The following KALRN variants were observed in gnomAD, a reference collection of about 807,000 sequenced individuals.
KALRN encodes the protein kalirin.
A neutral mutation model predicts 353.7 loss-of-function variants in KALRN; 70 were observed. The observed-to-expected ratio is 0.20, with a 90% CI of 0.16 to 0.24. KALRN has a LOEUF of 0.24. Ranked by LOEUF, KALRN falls within the 10% of genes least tolerant of loss-of-function variation. KALRN has a pLI of 1.00. For missense variants in KALRN, 2,791 were observed against 3,756.7 expected, an observed-to-expected ratio of 0.74 and a Z score of 6.72; for synonymous variants, 1,391 against 1,434.8, an observed-to-expected ratio of 0.97 and a Z score of 0.69.
intron 51 of KALRN, among the ~76,000 whole-genome samples, chr3:124,682,436 G>A (rs1345373887): frequency 6.6e-6 from 1 of 152,210 alleles, no homozygotes; most frequent in Non-Finnish European, 1.5e-5. Context: ...CATGCACCCT[G>A]TGTGTTCACT....
chr3:124,683,330 C>T (rs956599431), intron 51 of KALRN, among the ~76,000 whole-genome samples: 8 of 152,214 alleles, frequency 5.3e-5, no homozygotes, highest in Non-Finnish European at 8.8e-5. Context: ...TCAGGGTCAG[C>T]ATCTGGCCTA....
intron 1 of KALRN, among the ~76,000 whole-genome samples, chr3:124,047,677 T>C (rs1398608235): frequency 6.6e-6 from 1 of 150,810 alleles, no homozygotes; most frequent in East Asian, 1.9e-4. Flanking sequence ...TTATTTTTTT[T>C]TATTTTTAGT....
At chr3:124,670,073 C>T (rs558004693) in intron 47 of KALRN, among the ~76,000 whole-genome samples, 23 of 151,654 alleles carry the variant, frequency 1.5e-4, no homozygotes, top group African/African-American at 5.1e-4. Flanking sequence ...TGAGTTCAAG[C>T]GATTCTCATG....
chr3:124,409,769 G>T (rs902774665), intron 13 of KALRN, among the ~76,000 whole-genome samples: 1 of 151,958 alleles, frequency 6.6e-6, no homozygotes, highest in African/African-American at 2.4e-5. Context: ...TGGGGAGGAA[G>T]AACCTAATGA....
chr3:124,548,935 T>C (rs2070074345), intron 33 of KALRN, among the ~76,000 whole-genome samples: 2 of 152,220 alleles, frequency 1.3e-5, no homozygotes, highest in African/African-American at 4.8e-5. Context: ...ATTATAGGCA[T>C]GAACCACCGT....
chr3:124,659,310 A>G (rs1283054310), intron 42 of KALRN, 55 bp from the exon 43 acceptor site: 5 of 1,220,978 alleles, frequency 4.1e-6, no homozygotes, highest in South Asian at 2.4e-5. Flanking sequence ...CCCTTATTCA[A>G]AGCACCCCAG....
chr3:124,583,876 T>G (rs975387060), intron 34 of KALRN, among the ~76,000 whole-genome samples: 5 of 152,134 alleles, frequency 3.3e-5, no homozygotes, highest in Non-Finnish European at 4.4e-5. Flanking sequence ...AATTCTACCA[T>G]CGGCTGTATG....
intron 13 of KALRN, among the ~76,000 whole-genome samples, chr3:124,399,519 T>C (rs2090594821): frequency 1.3e-5 from 2 of 152,204 alleles, no homozygotes; most frequent in Non-Finnish European, 2.9e-5. Context: ...AGTTTGCTGA[T>C]TGGAGTAGAG....
chr3:124,315,917 T>C (rs1416117520), intron 6 of KALRN, among the ~76,000 whole-genome samples: 1 of 152,052 alleles, frequency 6.6e-6, no homozygotes, highest in East Asian at 1.9e-4. Context: ...GACAGTGCCA[T>C]TTGGGGACAG....
At chr3:124,271,785 C>T (rs1165612595) in intron 5 of KALRN, among the ~76,000 whole-genome samples, 3 of 152,230 alleles carry the variant, frequency 2.0e-5, no homozygotes, top group Non-Finnish European at 2.9e-5. Context: ...TTTTAATGCT[C>T]ATTCCACAGC....
At chr3:124,396,976 C>T (rs2090244545) in intron 12 of KALRN, among the ~76,000 whole-genome samples, 1 of 152,212 alleles carries the variant, frequency 6.6e-6, no homozygotes, top group Admixed American at 6.5e-5. Context: ...TCACACACAC[C>T]AGAAACATCT....
chr3:124,684,600 A>G (rs956322097), intron 51 of KALRN, among the ~76,000 whole-genome samples: 1 of 152,202 alleles, frequency 6.6e-6, no homozygotes, highest in African/African-American at 2.4e-5. Context: ...CCAAGTGTAC[A>G]GGTGTTTATA....
chr3:124,089,281 A>G (rs2060980378), intron 1 of KALRN, among the ~76,000 whole-genome samples: 1 of 151,992 alleles, frequency 6.6e-6, no homozygotes, highest in South Asian at 2.1e-4. Context: ...GGGGATGGAG[A>G]AGGGCATGGG....
At chr3:124,473,756 T>A (rs960637890) in intron 25 of KALRN, among the ~76,000 whole-genome samples, 2 of 152,100 alleles carry the variant, frequency 1.3e-5, no homozygotes, top group Non-Finnish European at 2.9e-5. Flanking sequence ...TACAGGAAAA[T>A]TTACAGAATT....
intron 14 of KALRN, among the ~76,000 whole-genome samples, chr3:124,421,951 A>G (rs978300774): frequency 1.3e-5 from 2 of 152,228 alleles, no homozygotes; most frequent in African/African-American, 4.8e-5. Context: ...CAAGGCTCCC[A>G]TTGTAGGTCA....
intron 10 of KALRN, among the ~76,000 whole-genome samples, chr3:124,362,622 C>T (rs574626973): frequency 5.0e-4 from 76 of 152,378 alleles, no homozygotes; most frequent in African/African-American, 1.8e-3. Flanking sequence ...TACATATCTC[C>T]ATGGTGTTTC....
intron 51 of KALRN, among the ~76,000 whole-genome samples, chr3:124,686,798 A>ATTTTTTTTTTTT (rs10599336): frequency 1.4e-5 from 1 of 70,798 alleles, no homozygotes. Context: ...CACTGGTGAG[A>ATTTTTTTTTTTT]TTTTTTTTTT....
At chr3:124,581,282 A>G (rs2074600900) in intron 34 of KALRN, among the ~76,000 whole-genome samples, 1 of 151,488 alleles carries the variant, frequency 6.6e-6, no homozygotes, top group South Asian at 2.1e-4. Flanking sequence ...ATTCCCAGCT[A>G]CTCCAGAGGC....
At chr3:124,637,713 G>A (rs1449492468) in intron 37 of KALRN, among the ~76,000 whole-genome samples, 1 of 152,208 alleles carries the variant, frequency 6.6e-6, no homozygotes, top group Non-Finnish European at 1.5e-5. Context: ...GGGGACTTGG[G>A]TAGCCTTCCA....
Sources: allele counts gnomAD v4.1 joint callset (sites outside exome capture counted in the v4.1 genomes callset), GRCh38; gene constraint gnomAD v4.1.1; transcripts MANE v1.5; gene names NCBI Gene and HGNC (gene_info 2026-07-23, HGNC 2026-07-21).